Variants in CNTN5 observed in about 807,000 individuals in gnomAD.
CNTN5 encodes contactin-5.
A neutral mutation model predicts 129.1 loss-of-function variants in CNTN5; 77 were observed. The ratio of observed to expected loss-of-function variants is 0.60; its 90% CI spans 0.50 to 0.72. The LOEUF (loss-of-function observed/expected upper bound fraction) is 0.72, where lower values mean the gene tolerates loss of function less well. Among genes scored for constraint, CNTN5 ranks in the 30% least tolerant of loss-of-function variants. CNTN5 has a pLI of 0.00. For missense variants in CNTN5, 1,478 were observed against 1,328.8 expected (o/e 1.11, Z -1.75); for synonymous variants, 509 against 465.6 (o/e 1.09, Z -1.20).
intron 3 of CNTN5, among the ~76,000 whole-genome samples, chr11:99,725,108 A>G (rs1311371967): frequency 1.3e-5 from 2 of 152,194 alleles, no homozygotes; most frequent in African/African-American, 4.8e-5. Context: ...TTGTGTAATT[A>G]TCTGTGTAAT....
intron 2 of CNTN5, among the ~76,000 whole-genome samples, chr11:99,329,914 GACAC>G (rs58544462): frequency 0.1 from 14,090 of 140,128 alleles, 1,074 homozygotes; most frequent in East Asian, 0.4. Flanking sequence ...TACAAGCAGT[GACAC>G]ACACACACAC....
intron 21 of CNTN5, 38 bp downstream of exon 21, chr11:100,308,506 C>A: frequency 1.9e-6 from 3 of 1,574,852 alleles, no homozygotes; most frequent in Non-Finnish European, 1.7e-6. Context: ...CTTATTGTTT[C>A]TTCTGACATC....
chr11:100,076,169 C>T (rs1397400343), intron 13 of CNTN5, among the ~76,000 whole-genome samples: 1 of 152,034 alleles, frequency 6.6e-6, no homozygotes, highest in African/African-American at 2.4e-5. Flanking sequence ...ATAGTAAGAA[C>T]AAATAATTTA....
chr11:99,289,183 G>C (rs1160424683), intron 1 of CNTN5, among the ~76,000 whole-genome samples: 1 of 151,794 alleles, frequency 6.6e-6, no homozygotes, highest in East Asian at 1.9e-4. Flanking sequence ...GACTAATAAA[G>C]ATTCATTATG....
intron 1 of CNTN5, among the ~76,000 whole-genome samples, chr11:99,048,307 A>G (rs544908856): frequency 3.9e-4 from 59 of 152,242 alleles, no homozygotes; most frequent in African/African-American, 1.4e-3. Context: ...AGACAGAACA[A>G]GGGTATCTCA....
intron 1 of CNTN5, among the ~76,000 whole-genome samples, chr11:99,217,102 C>A (rs1004403948): frequency 1.3e-5 from 2 of 152,146 alleles, no homozygotes; most frequent in Admixed American, 6.5e-5. Context: ...ATCACTTGAA[C>A]CTGGGAGGCA....
chr11:100,100,011 A>T (rs964182203), intron 13 of CNTN5, among the ~76,000 whole-genome samples: 1 of 152,018 alleles, frequency 6.6e-6, no homozygotes, highest in Non-Finnish European at 1.5e-5. Context: ...AAAACCCTTG[A>T]CTGCTTTTCT....
At chr11:100,254,831 G>T (rs977378817) in intron 16 of CNTN5, among the ~76,000 whole-genome samples, 2 of 152,118 alleles carry the variant, frequency 1.3e-5, no homozygotes, top group African/African-American at 4.8e-5. Flanking sequence ...TTAAGTTTTT[G>T]AAATTCAAAA....
intron 1 of CNTN5, among the ~76,000 whole-genome samples, chr11:99,168,575 A>T (rs1253463805): frequency 6.7e-6 from 1 of 149,212 alleles, no homozygotes; most frequent in Non-Finnish European, 1.5e-5. Context: ...CTGAGACTCC[A>T]TCTCAAAACA....
At chr11:100,140,917 G>A (rs1204984773) in intron 13 of CNTN5, among the ~76,000 whole-genome samples, 2 of 152,178 alleles carry the variant, frequency 1.3e-5, no homozygotes, top group African/African-American at 4.8e-5. Flanking sequence ...GGAAAGGGCA[G>A]TGAGAAGCAA....
intron 2 of CNTN5, among the ~76,000 whole-genome samples, chr11:99,330,981 C>A (rs1026171419): frequency 2.0e-4 from 31 of 151,994 alleles, no homozygotes; most frequent in African/African-American, 7.2e-4. Flanking sequence ...CACACACATA[C>A]ACACACAAAC....
chr11:100,078,419 C>A (rs1054572141), intron 13 of CNTN5, among the ~76,000 whole-genome samples: 6 of 151,992 alleles, frequency 3.9e-5, no homozygotes, highest in Non-Finnish European at 4.4e-5. Flanking sequence ...TACATCAGAG[C>A]TAAGATTTGT....
chr11:100,118,204 TA>T (rs1945902256), intron 13 of CNTN5, among the ~76,000 whole-genome samples: 1 of 151,880 alleles, frequency 6.6e-6, no homozygotes, highest in African/African-American at 2.4e-5. Context: ...ATAACCACTT[TA>T]AATTTACTTT....
chr11:99,854,298 T>A (rs903437979), intron 6 of CNTN5, among the ~76,000 whole-genome samples: 1 of 152,212 alleles, frequency 6.6e-6, no homozygotes, highest in African/African-American at 2.4e-5. Context: ...TACCCCTACA[T>A]AAATCTTTGA....
intron 1 of CNTN5, among the ~76,000 whole-genome samples, chr11:99,244,836 A>G (rs1249956677): frequency 1.3e-5 from 2 of 152,172 alleles, no homozygotes; most frequent in East Asian, 1.9e-4. Context: ...ATTCCACTCA[A>G]GTACCTCTCT....
At chr11:100,258,416 C>A (rs559433027) in intron 17 of CNTN5, among the ~76,000 whole-genome samples, 9 of 152,230 alleles carry the variant, frequency 5.9e-5, no homozygotes, top group Non-Finnish European at 1.3e-4. Flanking sequence ...GGCCAACATT[C>A]AAATTCAGGA....
At position 100,119,367 on chromosome 11, in the gene CNTN5, T is replaced by C. The variant is rs1388737653; in HGVS notation, c.1580+45073T>C. On this transcript the variant is annotated intron_variant, in intron 13 of 24. Coordinates refer to ENST00000524871, the MANE Select transcript of CNTN5 (RefSeq NM_014361.4). ...GCAAACAGCTGCATGATTATTGCTA[T>C]GCTCTTGTTGCTATTTGGTGATTGC... is the stretch of plus-strand genomic sequence containing the variant. 3.3e-5 allele frequency among the ~76,000 whole-genome samples: 5 copies of C among 151,950 alleles called. No individual in the cohort carries two copies. In the East Asian group the frequency reaches 7.7e-4, roughly 23 times the overall value.
At chr11:100,015,335 A>G (rs956360083) in intron 9 of CNTN5, among the ~76,000 whole-genome samples, 12 of 152,160 alleles carry the variant, frequency 7.9e-5, no homozygotes, top group African/African-American at 2.2e-4. Flanking sequence ...CAATTTTTCT[A>G]CTTGGGTTCT....
intron 13 of CNTN5, among the ~76,000 whole-genome samples, chr11:100,136,972 T>G (rs1429870779): frequency 6.6e-6 from 1 of 151,890 alleles, no homozygotes; most frequent in East Asian, 1.9e-4. Flanking sequence ...TTTTTATCAT[T>G]AACAGTTTAA....
Sources: gnomAD v4.1 joint callset for allele counts (sites outside exome capture counted in the v4.1 genomes callset) on GRCh38, gnomAD v4.1.1 for gene constraint, MANE v1.5 for transcripts, NCBI Gene and HGNC (gene_info 2026-07-23, HGNC 2026-07-21) for gene names.